Variants in MGAT5 observed in about 807,000 individuals in gnomAD.
MGAT5 encodes alpha-1,6-mannosylglycoprotein 6-beta-N-acetylglucosaminyltransferase.
Under a neutral mutation model 94.3 loss-of-function variants are expected in MGAT5, and 30 were observed. That is an observed-to-expected ratio of 0.32 (90% CI 0.24 to 0.43). MGAT5 has a LOEUF of 0.43. Ranked by LOEUF, MGAT5 falls within the 20% of genes least tolerant of loss-of-function variation. The pLI is 1.00. For missense variants in MGAT5, 691 were observed against 905.5 expected, an observed-to-expected ratio of 0.76 and a Z score of 3.04; for synonymous variants, 310 against 322.9, an observed-to-expected ratio of 0.96 and a Z score of 0.43.
At chr2:134,376,415 A>G (rs944626667) in intron 10 of MGAT5, among the ~76,000 whole-genome samples, 1 of 152,170 alleles carries the variant, frequency 6.6e-6, no homozygotes, top group Non-Finnish European at 1.5e-5. Context: ...AAATTGTCCT[A>G]AAGACAGTGT....
intron 10 of MGAT5, among the ~76,000 whole-genome samples, chr2:134,387,309 T>TAG (rs1682059059): frequency 4.5e-5 from 1 of 22,416 alleles, no homozygotes; most frequent in Non-Finnish European, 9.0e-5. Flanking sequence ...ATGATATATA[T>TAG]ATATATATAT....
At chr2:134,340,085 ACTATGAC>A (rs1001619022) in intron 6 of MGAT5, among the ~76,000 whole-genome samples, 1 of 152,302 alleles carries the variant, frequency 6.6e-6, no homozygotes, top group Admixed American at 6.5e-5. Context: ...ATGTAAAAAC[ACTATGAC>A]CTTGAGTTTG....
chr2:134,121,248 G>C (rs994655855), intron 1 of MGAT5, among the ~76,000 whole-genome samples: 3 of 152,228 alleles, frequency 2.0e-5, no homozygotes, highest in African/African-American at 7.2e-5. Flanking sequence ...TCCCCGTGGC[G>C]GGGTGGCCAG....
At chr2:134,344,012 G>C (rs1474701191) in intron 7 of MGAT5, among the ~76,000 whole-genome samples, 1 of 152,218 alleles carries the variant, frequency 6.6e-6, no homozygotes. Context: ...GGTGGCTGAT[G>C]TGGTGGTAGT....
At chr2:134,147,244 C>A (rs1253160868) in intron 1 of MGAT5, among the ~76,000 whole-genome samples, 2 of 152,182 alleles carry the variant, frequency 1.3e-5, no homozygotes, top group Non-Finnish European at 2.9e-5. Flanking sequence ...GAACCCAGTG[C>A]TGTAACGGAA....
chr2:134,375,288 C>T (rs1191065241), intron 10 of MGAT5, among the ~76,000 whole-genome samples: 2 of 151,556 alleles, frequency 1.3e-5, no homozygotes, highest in Non-Finnish European at 2.9e-5. Flanking sequence ...AGCCAACACA[C>T]TGGACTACAA....
At chr2:134,131,420 A>G (rs1686158303) in intron 1 of MGAT5, among the ~76,000 whole-genome samples, 1 of 152,220 alleles carries the variant, frequency 6.6e-6, no homozygotes, top group Non-Finnish European at 1.5e-5. Context: ...TCCCGAAATT[A>G]GTATTCTTTT....
chr2:134,350,079 T>G (rs1679274203), intron 9 of MGAT5, 141 bp downstream of exon 9: 2 of 943,484 alleles, frequency 2.1e-6, no homozygotes, highest in Admixed American at 6.2e-5. Context: ...CCTTGGGAAT[T>G]ACTGAATTTG....
At chr2:134,354,740 G>T (rs921518466) in intron 9 of MGAT5, among the ~76,000 whole-genome samples, 1 of 152,126 alleles carries the variant, frequency 6.6e-6, no homozygotes, top group African/African-American at 2.4e-5. Context: ...TGGAGGGACT[G>T]GTGGCCAGAC....
At chr2:134,342,837 G>T (rs1688713836) in intron 7 of MGAT5, among the ~76,000 whole-genome samples, 1 of 152,070 alleles carries the variant, frequency 6.6e-6, no homozygotes, top group Non-Finnish European at 1.5e-5. Flanking sequence ...TACAGAGATG[G>T]CCAGCTTGTG....
At position 134,428,351 on chromosome 2, in the gene MGAT5, C is replaced by G; in HGVS notation, c.1795-14C>G. On this transcript the variant is annotated splice_polypyrimidine_tract_variant and intron_variant, in intron 13 of 15. Coordinates refer to ENST00000281923, the MANE Select transcript of MGAT5 (RefSeq NM_002410.5). ...TGTCCTTCTCCTTCATGGTATCATG[C>G]TCTGTTTCCACAGATTGAGCCATAC... 1 of 1,612,096 alleles carries G rather than the reference C, an allele frequency of 6.2e-7. No individual in the cohort carries two copies. Among genetic ancestry groups the G allele is most frequent in the Non-Finnish European group, 8.5e-7 (1 of 1,178,194 alleles).
At chr2:134,335,837 T>G (rs576659095) in intron 4 of MGAT5, among the ~76,000 whole-genome samples, 15 of 152,316 alleles carry the variant, frequency 9.8e-5, no homozygotes, top group African/African-American at 3.4e-4. Context: ...GTCCATTTGC[T>G]AAAGGGTCAC....
chr2:134,177,647 A>T (rs1028327871), intron 1 of MGAT5, among the ~76,000 whole-genome samples: 1 of 152,190 alleles, frequency 6.6e-6, no homozygotes, highest in Non-Finnish European at 1.5e-5. Flanking sequence ...TTATTAATCT[A>T]TTACGCCTGG....
intron 14 of MGAT5, among the ~76,000 whole-genome samples, chr2:134,435,540 C>T (rs573445185): frequency 2.0e-5 from 3 of 152,244 alleles, no homozygotes; most frequent in East Asian, 1.9e-4. Flanking sequence ...TTGTCTCCCT[C>T]GCTGAATGCA....
chr2:134,245,216 G>A, intron 1 of MGAT5, among the ~76,000 whole-genome samples: 1 of 152,168 alleles, frequency 6.6e-6, no homozygotes, highest in East Asian at 1.9e-4. Context: ...GTTTCACCGT[G>A]TTAGCCAGGA....
chr2:134,230,694 C>T (rs568099219), intron 1 of MGAT5, among the ~76,000 whole-genome samples: 2 of 152,256 alleles, frequency 1.3e-5, no homozygotes, highest in Admixed American at 6.5e-5. Context: ...AACCTTCATA[C>T]ACTGGTGGTA....
chr2:134,350,052 G>T (rs1679272815), intron 9 of MGAT5, 114 bp downstream of exon 9: 4 of 1,170,090 alleles, frequency 3.4e-6, no homozygotes, highest in Non-Finnish European at 4.8e-6. Context: ...GTAGAAGTGT[G>T]TGCTGTTGAA....
At chr2:134,214,290 A>T (rs1316713046) in intron 1 of MGAT5, among the ~76,000 whole-genome samples, 1 of 151,846 alleles carries the variant, frequency 6.6e-6, no homozygotes, top group Non-Finnish European at 1.5e-5. Context: ...TTCCTCTAAG[A>T]AAATGAAGTG....
chr2:134,151,119 T>G (rs1240457333), intron 1 of MGAT5, among the ~76,000 whole-genome samples: 1 of 152,048 alleles, frequency 6.6e-6, no homozygotes, highest in Non-Finnish European at 1.5e-5. Context: ...TAGAGGTGAG[T>G]GAGTGACATC....
Sources: allele counts gnomAD v4.1 joint callset (sites outside exome capture counted in the v4.1 genomes callset), GRCh38; gene constraint gnomAD v4.1.1; transcripts MANE v1.5; gene names NCBI Gene and HGNC (gene_info 2026-07-23, HGNC 2026-07-21).